XYLT1: variants seen among roughly 807,000 people sequenced by gnomAD.
The protein encoded by XYLT1 is xylosyltransferase 1.
A neutral mutation model predicts 91.3 loss-of-function variants in XYLT1; 36 were observed. The observed-to-expected ratio is 0.39, with a 90% CI of 0.30 to 0.52. XYLT1 has a LOEUF of 0.52. Among genes scored for constraint, XYLT1 ranks in the 20% least tolerant of loss-of-function variants. The pLI is 0.68. For missense variants in XYLT1, 1,242 were observed against 1,284.5 expected (o/e 0.97, Z 0.51); for synonymous variants, 588 against 532.0 (o/e 1.11, Z -1.45).
At chr16:17,417,769 G>A (rs1250632747) in intron 1 of XYLT1, among the ~76,000 whole-genome samples, 1 of 152,218 alleles carries the variant, frequency 6.6e-6, no homozygotes, top group Non-Finnish European at 1.5e-5. Context: ...ATTGAATGCA[G>A]TGAAAGTGAT....
rs543136209 is a variant in XYLT1 at position 17,383,335 on chromosome 16, C to A, written c.364-25285G>T. 2.0e-5 allele frequency among the ~76,000 whole-genome samples: 3 copies of A among 151,974 alleles called. No homozygotes were observed. In the East Asian group the frequency reaches 6.0e-4, roughly 30 times the overall value. ...CAAGACGTTTTATTGGAAACCTTTC[C>A]TGACCTCCGAAGATAAGTAGACCAC... On this transcript the variant is annotated intron_variant, in intron 1 of 11. Coordinates refer to ENST00000261381, the MANE Select transcript of XYLT1 (RefSeq NM_022166.4).
chr16:17,297,822 C>G (rs571103877), intron 2 of XYLT1, among the ~76,000 whole-genome samples: 172 of 152,164 alleles, frequency 1.1e-3, no homozygotes, highest in Non-Finnish European at 2.1e-3. Flanking sequence ...GAGATCGAGA[C>G]CATCCTGGCT....
intron 2 of XYLT1, among the ~76,000 whole-genome samples, chr16:17,335,925 C>T (rs1334970539): frequency 2.6e-5 from 4 of 152,170 alleles, no homozygotes; most frequent in Non-Finnish European, 5.9e-5. Context: ...CTATTAATTT[C>T]TATAAAGTCT....
intron 2 of XYLT1, among the ~76,000 whole-genome samples, chr16:17,315,113 G>A (rs2034608129): frequency 6.6e-6 from 1 of 152,228 alleles, no homozygotes; most frequent in African/African-American, 2.4e-5. Context: ...AAAGGCAGAA[G>A]GAGGGAGGAA....
At chr16:17,344,889 C>T (rs1450967920) in intron 2 of XYLT1, among the ~76,000 whole-genome samples, 27 of 152,062 alleles carry the variant, frequency 1.8e-4, no homozygotes, top group African/African-American at 5.8e-4. Flanking sequence ...TTAGTAGAGA[C>T]GGTGTTTCAC....
chr16:17,363,664 C>T (rs1019575222), intron 1 of XYLT1, among the ~76,000 whole-genome samples: 4 of 152,138 alleles, frequency 2.6e-5, no homozygotes, highest in African/African-American at 2.4e-5. Flanking sequence ...CTCAGCCTCC[C>T]GAGTAGCTGG....
At position 17,198,114 on chromosome 16, in the gene XYLT1, A is replaced by T. The variant is rs1468245190; in HGVS notation, c.1289+98T>A. On this transcript the variant is annotated intron_variant, in intron 5 of 11. Transcript: ENST00000261381. ...TCCTATCCTGAGCGATCCTGTGGAG[A>T]CTATGCATCAGTCTCCTTCTGCCTC... 9 of 1,248,268 alleles carry T rather than the reference A, an allele frequency of 7.2e-6. No individual in the cohort carries two copies. The East Asian group carries it at 1.6e-4, about 22-fold the overall frequency. The allele number at this position is 1,248,268 out of a possible 1,614,324, so 77.3% of individuals were successfully genotyped here.
intron 3 of XYLT1, among the ~76,000 whole-genome samples, chr16:17,243,557 T>C (rs1475831950): frequency 1.3e-5 from 2 of 152,032 alleles, no homozygotes; most frequent in Admixed American, 6.6e-5. Flanking sequence ...CCCCATTCTA[T>C]AGATTAAAGA....
intron 9 of XYLT1, among the ~76,000 whole-genome samples, chr16:17,129,174 G>A (rs1432904861): frequency 6.6e-6 from 1 of 151,878 alleles, no homozygotes; most frequent in Admixed American, 6.6e-5. Flanking sequence ...TTTGGGAGTG[G>A]AAAGTCCAGC....
At chr16:17,293,172 C>T (rs1211561577) in intron 2 of XYLT1, among the ~76,000 whole-genome samples, 3 of 152,144 alleles carry the variant, frequency 2.0e-5, no homozygotes, top group Non-Finnish European at 4.4e-5. Context: ...CTGTCGGCTA[C>T]CCCCACTGCT....
chr16:17,252,682 TG>T (rs2033560021), intron 3 of XYLT1, among the ~76,000 whole-genome samples: 1 of 152,276 alleles, frequency 6.6e-6, no homozygotes, highest in African/African-American at 2.4e-5. Context: ...AACCATCTCC[TG>T]GGCTTCTGGA....
rs548885176 is a variant in XYLT1 at position 17,109,118 on chromosome 16, G to A, written c.2558-101C>T. The A allele has an allele frequency of 4.9e-5, 57 of 1,170,790 alleles. No homozygotes were observed. In the South Asian group the frequency reaches 9.2e-4, roughly 19 times the overall value. 72.5% of individuals were successfully genotyped at this position (1,170,790 alleles called of 1,614,324 possible). A position where few individuals can be genotyped will look rare whatever the true frequency, so the allele number is the denominator to read the frequency against. On this transcript the variant is annotated intron_variant, in intron 11 of 11. Transcript: ENST00000261381. ...GGTGCTGCACTGGGTGCCATGCATCGCCTCATTTAATTCACATGACAATCT... is the reference window on the plus strand; with the variant it reads ...GGTGCTGCACTGGGTGCCATGCATCACCTCATTTAATTCACATGACAATCT...
chr16:17,437,087 A>G (rs1420664108), intron 1 of XYLT1, among the ~76,000 whole-genome samples: 2 of 152,138 alleles, frequency 1.3e-5, no homozygotes, highest in African/African-American at 4.8e-5. Flanking sequence ...TATGGGTCCC[A>G]TTTTACAGAT....
chr16:17,440,185 T>A (rs1479771084), intron 1 of XYLT1, among the ~76,000 whole-genome samples: 4 of 152,182 alleles, frequency 2.6e-5, no homozygotes, highest in Admixed American at 6.5e-5. Flanking sequence ...ACTACGTAAG[T>A]GAATTTGGAA....
At chr16:17,181,358 A>G (rs555227733) in intron 5 of XYLT1, among the ~76,000 whole-genome samples, 1 of 152,338 alleles carries the variant, frequency 6.6e-6, no homozygotes, top group South Asian at 2.1e-4. Flanking sequence ...ATAAAATATA[A>G]GAGGAAGAAA....
At chr16:17,147,181 T>A (rs915625491) in intron 6 of XYLT1, among the ~76,000 whole-genome samples, 1 of 152,212 alleles carries the variant, frequency 6.6e-6, no homozygotes, top group Non-Finnish European at 1.5e-5. Flanking sequence ...AACTGAGCTC[T>A]AACTGGGTCA....
Position 17,108,962 on chromosome 16 carries a change from G to A in XYLT1, c.2613C>T (p.Ser871=), listed in dbSNP as rs1396668289. 4 of 1,578,920 alleles carry A rather than the reference G, an allele frequency of 2.5e-6. No homozygotes were observed. Among genetic ancestry groups the A allele is most frequent in the Non-Finnish European group, 3.5e-6 (4 of 1,155,130 alleles). Residue 871 remains serine, a synonymous_variant, in exon 12 of 12, where the codon AGC becomes AGT. Transcript: ENST00000261381. The part of the protein sequence containing the change: ...GPLRNAYMEQ[S]FQSLNPVLSL... ...TGAGGACGGGGTTTAGGCTCTGGAA[G>A]CTCTGCTCCATGTAGGCATTGCGGA...
chr16:17,414,633 G>A (rs1315128707), intron 1 of XYLT1, among the ~76,000 whole-genome samples: 3 of 152,150 alleles, frequency 2.0e-5, no homozygotes, highest in Non-Finnish European at 4.4e-5. Context: ...CACACATAAT[G>A]AGAAATGAGC....
intron 3 of XYLT1, among the ~76,000 whole-genome samples, chr16:17,204,447 G>C (rs894953029): frequency 6.6e-6 from 1 of 150,660 alleles, no homozygotes; most frequent in African/African-American, 2.4e-5. Context: ...AAAACCCAGA[G>C]CTCTTCTGAG....
Sources: gnomAD v4.1 joint callset for allele counts (sites outside exome capture counted in the v4.1 genomes callset) on GRCh38, gnomAD v4.1.1 for gene constraint, MANE v1.5 for transcripts, NCBI Gene and HGNC (gene_info 2026-07-23, HGNC 2026-07-21) for gene names.